MOV10: variants seen among roughly 807,000 people sequenced by gnomAD.
MOV10 encodes the protein RNA helicase MOV-10.
Under a neutral mutation model 108.4 loss-of-function variants are expected in MOV10, and 39 were observed. That is an observed-to-expected ratio of 0.36 (90% confidence interval 0.28 to 0.47). The LOEUF (loss-of-function observed/expected upper bound fraction) is 0.47. MOV10 is among the 20% of genes least tolerant of loss of function. The pLI, the probability that MOV10 is intolerant of heterozygous loss-of-function variation, is 1.00. For missense variants in MOV10, 952 were observed against 1,297.6 expected (o/e 0.73, Z 4.09); for synonymous variants, 490 against 523.1 (o/e 0.94, Z 0.86).
intron 2 of MOV10, chr1:112,688,342 T>C: frequency 1.0e-6 from 1 of 990,108 alleles, no homozygotes; most frequent in Non-Finnish European, 1.2e-6. Flanking sequence ...AAAGCCAGGC[T>C]ATTTGATCTC....
chr1:112,693,411 C>T (rs1459227299), intron 7 of MOV10, among the ~76,000 whole-genome samples: 2 of 152,180 alleles, frequency 1.3e-5, no homozygotes, highest in Non-Finnish European at 2.9e-5. Context: ...GGGTCTCACC[C>T]TGGTGCTCAG....
intron 12 of MOV10, 32 bp from the exon 13 acceptor site, chr1:112,696,405 A>C (rs1465961112): frequency 6.4e-7 from 1 of 1,561,750 alleles, no homozygotes; most frequent in Non-Finnish European, 8.8e-7. Flanking sequence ...GGGTGCCTGG[A>C]TATGACCCCT....
At chr1:112,691,872 C>T in intron 6 of MOV10, 73 bp downstream of exon 6, 1 of 1,521,916 alleles carries the variant, frequency 6.6e-7, no homozygotes, top group South Asian at 1.2e-5. Flanking sequence ...GCCCTGGCAC[C>T]TCCGTCCTCA....
chr1:112,689,637 T>C lies in MOV10; in HGVS notation c.564T>C (p.Cys188=), dbSNP rs1182245941. The change falls in exon 4 of 21, where the codon TGT becomes TGC. Residue 188 remains cysteine, a synonymous_variant. Transcript: ENST00000369645. ...AFYNEDQELP[C]PLGPGECYEL... ...ACAATGAAGACCAGGAGTTGCCCTG[T>C]CCACTGGGCCCCGGTGAGTGAGTTT... 6.2e-7 allele frequency: 1 copy of C among 1,614,000 alleles called. No individual in the cohort carries two copies. Among genetic ancestry groups the C allele is most frequent in the Non-Finnish European group, 8.5e-7 (1 of 1,180,014 alleles).
intron 2 of MOV10, chr1:112,688,292 CT>C: frequency 1.0e-6 from 1 of 960,382 alleles, no homozygotes; most frequent in Non-Finnish European, 1.2e-6. Flanking sequence ...GGTTATTGTC[CT>C]TCTGACCAGT....
chr1:112,694,935 T>TC lies in MOV10; in HGVS notation c.1620+44dup. The TC allele has an allele frequency of 1.3e-6, 2 of 1,594,424 alleles. No individual in the cohort carries two copies. The highest frequency in any genetic ancestry group is 1.7e-6 in the Non-Finnish European group (2 of 1,167,220). ...ACAAACCTGGGGCCTGCACTCTGATTCCCCCAGCACCAAGCAGTTGTCCCC... is the reference window on the plus strand; with the variant it reads ...ACAAACCTGGGGCCTGCACTCTGATTCCCCCCAGCACCAAGCAGTTGTCCCC... On this transcript the variant is annotated intron_variant, in intron 10 of 20. Coordinates refer to ENST00000369645, the MANE Select transcript of MOV10 (RefSeq NM_001321324.2). This position sits in a 1 kb window ranked among gnomAD's most constrained non-coding sequence, Gnocchi z 4.1.
chr1:112,688,852 C>G (rs979121300), intron 2 of MOV10, 83 bp from the exon 3 acceptor site: 4 of 1,593,792 alleles, frequency 2.5e-6, no homozygotes, highest in Non-Finnish European at 2.6e-6. Flanking sequence ...CAGAGTGACC[C>G]TCCGATGCCC....
At chr1:112,698,662 C>T in intron 16 of MOV10, 53 bp from the exon 17 acceptor site, 1 of 1,575,334 alleles carries the variant, frequency 6.3e-7, no homozygotes, top group Non-Finnish European at 8.7e-7. Flanking sequence ...GCCAGGCTCC[C>T]TCTTGCATTA....
rs1003712852 is a variant in MOV10 at position 112,700,643 on chromosome 1, C to T, written c.*136C>T. On this transcript the variant is annotated 3_prime_UTR_variant, in exon 21 of 21. Transcript: ENST00000369645. ...AGTTTACAACCCAAGCCATTCCACCCCCTCCCCTGCTGGGGAGAATGACAC... is the reference window on the plus strand; with the variant it reads ...AGTTTACAACCCAAGCCATTCCACCTCCTCCCCTGCTGGGGAGAATGACAC... The T allele has an allele frequency of 1.3e-6, 2 of 1,541,948 alleles. No homozygotes were observed. Among genetic ancestry groups the T allele is most frequent in the Non-Finnish European group, 1.7e-6 (2 of 1,145,878 alleles).
chr1:112,694,339 G>C lies in MOV10; in HGVS notation c.1296-114G>C. 1 of 1,464,406 alleles carries C rather than the reference G, an allele frequency of 6.8e-7. No individual in the cohort carries two copies. The highest frequency in any genetic ancestry group is 1.8e-5 in the Admixed American group (1 of 55,286). The allele number at this position is 1,464,406 out of a possible 1,614,324, so 90.7% of individuals were successfully genotyped here. On this transcript the variant is annotated intron_variant, in intron 8 of 20. Transcript: ENST00000369645. This position sits in a 1 kb window ranked among gnomAD's most constrained non-coding sequence, Gnocchi z 4.1. ...GGCAGCTTCCTCTTCTAGAGAACTT[G>C]CATAGAGGTCTTGGAAAGAGGGGTT...
chr1:112,699,713 A>C lies in MOV10; in HGVS notation c.2612A>C (p.Gln871Pro). 6.2e-7 allele frequency: 1 copy of C among 1,614,224 alleles called. No individual in the cohort carries two copies. Among genetic ancestry groups the C allele is most frequent in the East Asian group, 2.2e-5 (1 of 44,882 alleles). Residue 871 changes from glutamine to proline, a missense_variant, in exon 18 of 21, where the codon CAA becomes CCA. Physicochemically the swap from Gln to Pro is moderately conservative, Grantham distance 76. This residue lies in a region of MOV10 where 453 missense variants were observed against 611.5 expected (regional missense o/e 0.74). Coordinates refer to ENST00000369645, the MANE Select transcript of MOV10 (RefSeq NM_001321324.2). ...KVGSVEEFQG[Q>P]ERSVILISTV... ...GGTTCAGTAGAAGAATTCCAAGGCCAAGAACGAAGCGTCATCCTCATCTCC... is the reference window on the plus strand; with the variant it reads ...GGTTCAGTAGAAGAATTCCAAGGCCCAGAACGAAGCGTCATCCTCATCTCC...
chr1:112,678,903 A>G (rs571810662), intron 2 of MOV10, among the ~76,000 whole-genome samples: 1 of 152,114 alleles, frequency 6.6e-6, no homozygotes, highest in East Asian at 1.9e-4. Flanking sequence ...AACACATTTT[A>G]CTTTGGGACC....
intron 2 of MOV10, among the ~76,000 whole-genome samples, chr1:112,679,595 T>C (rs1358752422): frequency 3.9e-5 from 6 of 152,030 alleles, no homozygotes; most frequent in African/African-American, 1.4e-4. Flanking sequence ...GGGGGTGGCC[T>C]AGTGTAGGGG....
rs531007771 is a variant in MOV10, at chr1:112,684,324, A to C, written c.138-4611A>C. Among the ~76,000 whole-genome samples, 47 of 141,204 alleles carry C rather than the reference A, an allele frequency of 3.3e-4. 1 individual carries two copies. Among genetic ancestry groups the C allele is most frequent in the Non-Finnish European group, 6.5e-4 (43 of 66,286 alleles). 92.6% of individuals were successfully genotyped at this position (141,204 alleles called of 152,430 possible). A position where few individuals can be genotyped will look rare whatever the true frequency, so the allele number is the denominator to read the frequency against. Reference sequence around the variant, plus strand: ...TTCTTGTTGCCCAGGCTGGAGTGCAATGGCGCGAACTCAGCTCACTGCAAC... The same window carrying C: ...TTCTTGTTGCCCAGGCTGGAGTGCACTGGCGCGAACTCAGCTCACTGCAAC... On this transcript the variant is annotated intron_variant, in intron 2 of 20. Coordinates refer to ENST00000369645, the MANE Select transcript of MOV10 (RefSeq NM_001321324.2).
intron 11 of MOV10, among the ~76,000 whole-genome samples, chr1:112,695,935 G>A (rs1011977807): frequency 2.0e-5 from 3 of 152,152 alleles, no homozygotes; most frequent in Admixed American, 1.3e-4. Flanking sequence ...CCAGCTACTC[G>A]GGAGGCTGAG....
intron 2 of MOV10, among the ~76,000 whole-genome samples, chr1:112,680,224 T>A (rs1447530289): frequency 6.6e-6 from 1 of 152,092 alleles, no homozygotes; most frequent in African/African-American, 2.4e-5. Context: ...TTATTGTGTT[T>A]TATATGCATA....
chr1:112,691,810 TC>T lies in MOV10; in HGVS notation c.971+14del. The T allele has an allele frequency of 1.2e-6, 2 of 1,610,564 alleles. No individual in the cohort carries two copies. Among genetic ancestry groups the T allele is most frequent in the South Asian group, 2.2e-5 (2 of 90,992 alleles). ...GATCGCAGAGATCAAGTAAGTACCA[TC>T]CCTCTGCACCCCGCACTCTCCCGTC... On this transcript the variant is annotated intron_variant, in intron 6 of 20. Coordinates refer to ENST00000369645, the MANE Select transcript of MOV10 (RefSeq NM_001321324.2).
In MOV10 at chr1:112,689,583, A is replaced by C; in HGVS notation, c.510A>C (p.Pro170=). 1.2e-6 allele frequency: 2 copies of C among 1,613,856 alleles called. No homozygotes were observed. Among genetic ancestry groups the C allele is most frequent in the Non-Finnish European group, 1.7e-6 (2 of 1,179,978 alleles). The change falls in exon 4 of 21, where the codon CCA becomes CCC. Residue 170 remains proline, a synonymous_variant. Coordinates refer to ENST00000369645, the MANE Select transcript of MOV10 (RefSeq NM_001321324.2). ...TQSVTLTHLF[P]LCRTPQFAFY... ...CTGTTACCCTCACTCACCTCTTCCC[A>C]CTCTGCCGGACACCCCAGTTTGCTT...
At position 112,674,727 on chromosome 1, in the gene MOV10, C is replaced by T. The variant is rs1570737447; in HGVS notation, c.-68C>T. 1.9e-6 allele frequency: 1 copy of T among 539,138 alleles called. No homozygotes were observed. Among genetic ancestry groups the T allele is most frequent in the East Asian group, 3.5e-5 (1 of 28,300 alleles). 33.4% of individuals were successfully genotyped at this position (539,138 alleles called of 1,614,324 possible). A position where few individuals can be genotyped will look rare whatever the true frequency, so the allele number is the denominator to read the frequency against. ...GGACGAAGAAACCGAAGGGAAAGCT[C>T]AGGTAAGAAAAGAACGGAGGAGGGA... On this transcript the variant is annotated splice_region_variant and 5_prime_UTR_variant, in exon 1 of 21. Transcript: ENST00000369645.
Sources: allele counts gnomAD v4.1 joint callset (sites outside exome capture counted in the v4.1 genomes callset), GRCh38; gene constraint gnomAD v4.1.1; regional missense constraint gnomAD v4.1.1; non-coding constraint Gnocchi (gnomAD v3.1); transcripts MANE v1.5; gene names NCBI Gene and HGNC (gene_info 2026-07-23, HGNC 2026-07-21).